Variants in DLGAP4 observed in about 807,000 individuals in gnomAD.
DLGAP4 encodes the protein disks large-associated protein 4.
A neutral mutation model predicts 86.9 loss-of-function variants in DLGAP4; 18 were observed. The observed-to-expected ratio is 0.21, with a 90% CI of 0.14 to 0.31. DLGAP4 has a LOEUF of 0.31. Ranked by LOEUF, DLGAP4 falls within the 10% of genes least tolerant of loss-of-function variation. The pLI, the probability that DLGAP4 is intolerant of heterozygous loss-of-function variation, is 1.00. For missense variants in DLGAP4, 1,085 were observed against 1,362.6 expected, an observed-to-expected ratio of 0.80 and a Z score of 3.21; for synonymous variants, 548 against 574.3, an observed-to-expected ratio of 0.95 and a Z score of 0.65.
rs148823377 is a variant in DLGAP4, at chr20:36,454,330, A to G, written c.1648+7393A>G. The stretch of plus-strand genomic sequence containing the variant: ...AACAGCCATCTGTTGAAAAATTGTC[A>G]TGTCACACTTTTTGTTAGAATAAGG... On this transcript the variant is annotated intron_variant, in intron 7 of 12. Coordinates refer to ENST00000339266, the MANE Select transcript of DLGAP4 (RefSeq NM_001365621.2). 1.7e-3 allele frequency among the ~76,000 whole-genome samples: 260 copies of G among 152,124 alleles called. 1 individual carries two copies. The highest frequency in any genetic ancestry group is 6.0e-3 in the African/African-American group (250 of 41,508).
At chr20:36,390,276 A>T (rs537638599) in intron 2 of DLGAP4, among the ~76,000 whole-genome samples, 1 of 152,226 alleles carries the variant, frequency 6.6e-6, no homozygotes, top group Non-Finnish European at 1.5e-5. Context: ...ACAGATAAAG[A>T]GAGCTTAGAG....
At chr20:36,362,754 C>T (rs2030562165) in intron 1 of DLGAP4, among the ~76,000 whole-genome samples, 1 of 152,134 alleles carries the variant, frequency 6.6e-6, no homozygotes, top group African/African-American at 2.4e-5. Context: ...TATGCAATTA[C>T]GTGGCCTGTT....
chr20:36,459,048 A>G (rs934078859), intron 7 of DLGAP4, among the ~76,000 whole-genome samples: 70 of 152,144 alleles, frequency 4.6e-4, no homozygotes, highest in African/African-American at 1.7e-3. Context: ...AAGTTGGGAG[A>G]GGAGCATCTT....
intron 1 of DLGAP4, among the ~76,000 whole-genome samples, chr20:36,325,254 T>C (rs1455370716): frequency 6.6e-6 from 1 of 152,164 alleles, no homozygotes; most frequent in Non-Finnish European, 1.5e-5. Context: ...TTTCCAAATA[T>C]TTGAGGATTT....
chr20:36,520,663 C>T (rs2037320688), intron 10 of DLGAP4, among the ~76,000 whole-genome samples: 1 of 152,004 alleles, frequency 6.6e-6, no homozygotes, highest in Non-Finnish European at 1.5e-5. Context: ...TTCATAGTGT[C>T]CTTCGATGCA....
intron 4 of DLGAP4, 29 bp from the exon 5 acceptor site, chr20:36,439,725 A>G: frequency 6.3e-7 from 1 of 1,592,510 alleles, no homozygotes; most frequent in Non-Finnish European, 8.6e-7. Flanking sequence ...GGGTGGGCTG[A>G]GCCCTGTCTG....
In DLGAP4 at chr20:36,393,932, C is replaced by T. The variant is rs2031864083; in HGVS notation, c.-73+26657C>T. ...ATCCCTCGCCTGCCCACAGAATGCG[C>T]CCCAGGCCCTGCTGTACACACAGGG... On this transcript the variant is annotated intron_variant, in intron 2 of 12. Coordinates refer to ENST00000339266, the MANE Select transcript of DLGAP4 (RefSeq NM_001365621.2). This position sits in a 1 kb window ranked among gnomAD's most constrained non-coding sequence, Gnocchi z 4.4. 6.6e-6 allele frequency among the ~76,000 whole-genome samples: 1 copy of T among 152,246 alleles called. No homozygotes were observed. Among genetic ancestry groups the T allele is most frequent in the African/African-American group, 2.4e-5 (1 of 41,542 alleles).
intron 8 of DLGAP4, chr20:36,497,613 T>G: frequency 1.0e-6 from 1 of 987,716 alleles, no homozygotes; most frequent in Non-Finnish European, 1.2e-6. Flanking sequence ...GTAGGTGGCT[T>G]GAGGTACCAG....
Position 36,436,248 on chromosome 20 carries a change from A to G in DLGAP4, c.1139A>G (p.Glu380Gly). 1 of 1,605,820 alleles carries G rather than the reference A, an allele frequency of 6.2e-7. No homozygotes were observed. Among genetic ancestry groups the G allele is most frequent in the Non-Finnish European group, 8.5e-7 (1 of 1,179,486 alleles). Residue 380 changes from glutamate (E) to glycine (G), a missense_variant, in exon 4 of 13, where the codon GAG becomes GGG. By Grantham distance (98) the Glu-to-Gly change is moderately conservative (BLOSUM62 -2). Coordinates refer to ENST00000339266, the MANE Select transcript of DLGAP4 (RefSeq NM_001365621.2). The stretch of plus-strand genomic sequence containing the variant: ...GCCATGGGCGACGAGGACAGCGACG[A>G]GTCCGGCGGCAGCCCCAAGCCCTCA... ...IKAMGDEDSD[E>G]SGGSPKPSPK...
rs2032192645 is a variant in DLGAP4 at position 36,402,541 on chromosome 20, G to GTT, written c.-72-29105_-72-29104insTT. ...GATGGGAAGATTGCTTGAACCCAGG[G>GTT]GTTCAAGACCAGCCTGGGCAGCACA... On this transcript the variant is annotated intron_variant, in intron 2 of 12. Coordinates refer to ENST00000339266, the MANE Select transcript of DLGAP4 (RefSeq NM_001365621.2). Among the ~76,000 whole-genome samples the GTT allele has an allele frequency of 2.6e-5, 4 of 151,948 alleles. No homozygotes were observed. The South Asian group carries it at 8.3e-4, about 32-fold the overall frequency.
chr20:36,484,233 C>G (rs2147718158), intron 7 of DLGAP4, among the ~76,000 whole-genome samples: 1 of 152,302 alleles, frequency 6.6e-6, no homozygotes, highest in African/African-American at 2.4e-5. Context: ...TCATGCTAGG[C>G]CAGTTCATGT....
chr20:36,439,644 A>G (rs2033388596), intron 4 of DLGAP4, 110 bp from the exon 5 acceptor site: 2 of 880,446 alleles, frequency 2.3e-6, no homozygotes, highest in Non-Finnish European at 3.6e-6. Context: ...CTGCGGCTGC[A>G]GCGGGCATCA....
At chr20:36,319,731 C>G (rs1555890330) in intron 1 of DLGAP4, among the ~76,000 whole-genome samples, 1 of 152,146 alleles carries the variant, frequency 6.6e-6, no homozygotes, top group African/African-American at 2.4e-5. Flanking sequence ...CTGCCCAACT[C>G]CTTAGGGATT....
intron 1 of DLGAP4, among the ~76,000 whole-genome samples, chr20:36,314,801 G>C (rs1165598436): frequency 8.5e-6 from 1 of 118,088 alleles, no homozygotes; most frequent in Non-Finnish European, 1.8e-5. Context: ...GTGTGGTGTG[G>C]ATGTGTAGTG....
chr20:36,496,629 G>A, intron 7 of DLGAP4, 76 bp from the exon 8 acceptor site: 1 of 1,525,552 alleles, frequency 6.6e-7, no homozygotes, highest in Non-Finnish European at 8.8e-7. Flanking sequence ...CAGGGCTTCT[G>A]CATTGGAAGG....
chr20:36,504,990 CTTT>C (rs757067668), intron 10 of DLGAP4, among the ~76,000 whole-genome samples: 2 of 140,206 alleles, frequency 1.4e-5, no homozygotes, highest in African/African-American at 5.2e-5. Flanking sequence ...CACACAGGTT[CTTT>C]TTTTTTTTTT....
At chr20:36,468,922 C>A (rs1361256127) in intron 7 of DLGAP4, among the ~76,000 whole-genome samples, 2 of 152,200 alleles carry the variant, frequency 1.3e-5, no homozygotes, top group Non-Finnish European at 2.9e-5. Flanking sequence ...TTTGCTCATT[C>A]TCCCGTATAT....
chr20:36,519,603 A>G (rs1210723362), intron 10 of DLGAP4, among the ~76,000 whole-genome samples: 3 of 152,146 alleles, frequency 2.0e-5, no homozygotes, highest in Non-Finnish European at 2.9e-5. Context: ...TTTTGGGTTT[A>G]TACCCAGAAG....
chr20:36,513,021 G>A (rs2036810480), intron 10 of DLGAP4, among the ~76,000 whole-genome samples: 1 of 119,340 alleles, frequency 8.4e-6, no homozygotes, highest in African/African-American at 3.2e-5. Context: ...GCGCAATTTT[G>A]GCTGACTGTA....
Sources: gnomAD v4.1 joint callset for allele counts (sites outside exome capture counted in the v4.1 genomes callset) on GRCh38, gnomAD v4.1.1 for gene constraint, Gnocchi (gnomAD v3.1) non-coding constraint, MANE v1.5 for transcripts, NCBI Gene and HGNC (gene_info 2026-07-23, HGNC 2026-07-21) for gene names.